Variants in CD6 observed in about 807,000 individuals in gnomAD.
CD6 encodes the protein CD6 molecule, also known as T-cell differentiation antigen CD6.
A neutral mutation model predicts 75.3 loss-of-function variants in CD6; 53 were observed. The ratio of observed to expected loss-of-function variants is 0.70; its 90% CI spans 0.56 to 0.88. CD6 has a LOEUF of 0.88. CD6 is among the 40% of genes least tolerant of loss of function. The probability of loss-of-function intolerance (pLI) is 0.00; values close to 1 mark genes in which losing one functional copy is unlikely to be tolerated. For synonymous variants in CD6, 359 were observed against 381.5 expected (o/e 0.94, Z 0.69); for missense variants, 770 against 897.1 (o/e 0.86, Z 1.81).
intron 1 of CD6, among the ~76,000 whole-genome samples, chr11:60,987,521 G>T (rs1857868591): frequency 6.6e-6 from 1 of 151,626 alleles, no homozygotes; most frequent in Non-Finnish European, 1.5e-5. Context: ...AATGTATGTA[G>T]TGTGTATAGG....
intron 1 of CD6, among the ~76,000 whole-genome samples, chr11:60,986,979 C>G (rs1251582702): frequency 6.6e-6 from 1 of 152,106 alleles, no homozygotes; most frequent in Non-Finnish European, 1.5e-5. Flanking sequence ...AATACAAAAA[C>G]TAGTTGGGTG....
intron 1 of CD6, among the ~76,000 whole-genome samples, chr11:60,999,018 C>T (rs1858446109): frequency 6.6e-6 from 1 of 152,026 alleles, no homozygotes; most frequent in African/African-American, 2.4e-5. Flanking sequence ...ATTAGGCGGG[C>T]ATGGTGGCAC....
At position 61,019,269 on chromosome 11, in the gene CD6, A is replaced by G. The variant is rs748940543; in HGVS notation, c.1958A>G (p.Gln653Arg). ...CTGCCCACAGGGTCCCCCAGCCCTC[A>G]GCCTGACTCCACCGACAACGATGAC... ...QFGCPGSPSP[Q>R]PDSTDNDDYD... Residue 653 changes from glutamine (Q) to arginine (R), a missense_variant, in exon 13 of 13, where the codon CAG becomes CGG. Gln to Arg is a conservative substitution (Grantham distance 43, BLOSUM62 1). Transcript: ENST00000313421. The G allele has an allele frequency of 6.2e-7, 1 of 1,611,346 alleles. No homozygotes were observed. The highest frequency in any genetic ancestry group is 8.5e-7 in the Non-Finnish European group (1 of 1,179,746).
At chr11:60,996,517 A>G (rs1858302941) in intron 1 of CD6, among the ~76,000 whole-genome samples, 1 of 152,236 alleles carries the variant, frequency 6.6e-6, no homozygotes, top group Non-Finnish European at 1.5e-5. Context: ...CTCCACTTGA[A>G]TACCTGGAGT....
chr11:60,976,121 G>A (rs1857354158), intron 1 of CD6, among the ~76,000 whole-genome samples: 1 of 152,134 alleles, frequency 6.6e-6, no homozygotes, highest in Admixed American at 6.5e-5. Flanking sequence ...CCCAGCACTG[G>A]AGTGTTGTAC....
At chr11:61,003,470 C>T (rs748375363) in intron 1 of CD6, among the ~76,000 whole-genome samples, 5 of 152,156 alleles carry the variant, frequency 3.3e-5, no homozygotes, top group Admixed American at 1.3e-4. Flanking sequence ...TGGTGGCTCA[C>T]GCCTGTAATC....
Position 61,009,720 on chromosome 11 carries a change from TG to T in CD6, c.931del (p.Ala311ArgfsTer73). The T allele has an allele frequency of 6.2e-7, 1 of 1,614,100 alleles. No individual in the cohort carries two copies. The highest frequency in any genetic ancestry group is 2.2e-5 in the East Asian group (1 of 44,878). On this transcript the variant is annotated frameshift_variant, in exon 5 of 13. Transcript: ENST00000313421. LOFTEE classifies it high-confidence loss of function. ...VLCQSLGCGT[A>X]VERPKGLPHS... Reference sequence around the variant, plus strand: ...TCTGCCAGTCCTTGGGCTGTGGAACTGCGGTTGAGAGGCCCAAGGGGCTGCC... The same window carrying T: ...TCTGCCAGTCCTTGGGCTGTGGAACTCGGTTGAGAGGCCCAAGGGGCTGCC...
At chr11:60,986,956 C>T (rs1231196453) in intron 1 of CD6, among the ~76,000 whole-genome samples, 2 of 152,084 alleles carry the variant, frequency 1.3e-5, no homozygotes, top group African/African-American at 2.4e-5. Context: ...GGTGAAACCC[C>T]GTCTCTACTA....
In CD6 at chr11:61,008,888, C is replaced by A; in HGVS notation, c.781+43C>A. 3.4e-6 allele frequency: 5 copies of A among 1,450,118 alleles called. No homozygotes were observed. In the South Asian group the frequency reaches 4.5e-5, roughly 13 times the overall value. The allele number at this position is 1,450,118 out of a possible 1,614,324, so 89.8% of individuals were successfully genotyped here. ...CTGAAGCCCGGTCACTACCAACACT[C>A]ACCATAGGCCTACTGGGCGCCAAGC... On this transcript the variant is annotated intron_variant, in intron 4 of 12. Transcript: ENST00000313421.
intron 7 of CD6, 47 bp downstream of exon 7, chr11:61,013,610 G>A: frequency 6.2e-7 from 1 of 1,600,940 alleles, no homozygotes; most frequent in Non-Finnish European, 8.5e-7. Flanking sequence ...GGGGATGTGA[G>A]CCTTGGCAGA....
At chr11:60,988,372 C>A (rs1436969734) in intron 1 of CD6, among the ~76,000 whole-genome samples, 1 of 152,190 alleles carries the variant, frequency 6.6e-6, no homozygotes, top group African/African-American at 2.4e-5. Context: ...GGCCATTGGC[C>A]GCTGTCAGCC....
At chr11:61,001,464 G>C (rs547558782) in intron 1 of CD6, among the ~76,000 whole-genome samples, 5 of 152,086 alleles carry the variant, frequency 3.3e-5, no homozygotes, top group African/African-American at 1.2e-4. Flanking sequence ...GCCTCCCAAA[G>C]TGCTGGGATT....
intron 9 of CD6, among the ~76,000 whole-genome samples, chr11:61,016,384 C>T (rs1859407459): frequency 6.6e-6 from 1 of 152,242 alleles, no homozygotes. Context: ...ACCAGAGCGT[C>T]CCACACCTTA....
intron 1 of CD6, among the ~76,000 whole-genome samples, chr11:60,997,533 A>G (rs1170606360): frequency 6.6e-6 from 1 of 152,042 alleles, no homozygotes; most frequent in Non-Finnish European, 1.5e-5. Context: ...ATTTCTACAC[A>G]TCAATAAAAA....
rs550056742 is a variant in CD6 at position 61,020,340 on chromosome 11, C to T, written c.*1022C>T. ...TCAGACCAGGCTTTGTTGTCCTGCTCTGAGTATCCTGAGATTAAACTGAAT... is the reference window on the plus strand; with the variant it reads ...TCAGACCAGGCTTTGTTGTCCTGCTTTGAGTATCCTGAGATTAAACTGAAT... On this transcript the variant is annotated 3_prime_UTR_variant, in exon 13 of 13. Coordinates refer to ENST00000313421, the MANE Select transcript of CD6 (RefSeq NM_006725.5). The T allele has an allele frequency of 5.0e-6, 2 of 398,968 alleles. No homozygotes were observed. Among genetic ancestry groups the T allele is most frequent in the South Asian group, 2.6e-4 (2 of 7,788 alleles). The allele number at this position is 398,968 out of a possible 1,614,324, so 24.7% of individuals were successfully genotyped here.
At chr11:61,004,307 T>C (rs946288648) in intron 1 of CD6, 4 of 151,482 alleles carry the variant, frequency 2.6e-5, no homozygotes, top group African/African-American at 7.3e-5. Flanking sequence ...TGTAGTAACA[T>C]TGAAAACTAC....
At position 61,015,788 on chromosome 11, in the gene CD6, A is replaced by C; in HGVS notation, c.1463A>C (p.His488Pro). The C allele has an allele frequency of 1.2e-6, 2 of 1,614,170 alleles. 1 individual carries two copies. Among genetic ancestry groups the C allele is most frequent in the Middle Eastern group, 3.3e-4 (2 of 6,062 alleles). Residue 488 changes from histidine (H) to proline (P), a missense_variant, in exon 9 of 13, where the codon CAC becomes CCC. His to Pro is a moderately conservative substitution (Grantham distance 77, BLOSUM62 -2). Transcript: ENST00000313421. ...TCTGGCTCGGACTCAGACTATGAGC[A>C]CTATGACTTCAGCGCCCAGCCTCCT... The part of the protein sequence containing the change: ...SDSGSDSDYE[H>P]YDFSAQPPVA...
At chr11:60,979,412 T>C (rs140976698) in intron 1 of CD6, among the ~76,000 whole-genome samples, 1 of 151,684 alleles carries the variant, frequency 6.6e-6, no homozygotes, top group Non-Finnish European at 1.5e-5. Flanking sequence ...AGAGGCACCA[T>C]GAGCCAGGGG....
In CD6 at chr11:60,990,293, C is replaced by T. The variant is rs566019841; in HGVS notation, c.50-16281C>T. On this transcript the variant is annotated intron_variant, in intron 1 of 12. Transcript: ENST00000313421. ...AGGCTGGAGTGCAGTGGTGCAATCTCGGCTCACTGCAACCTTTGCCTCCTG... is the reference window on the plus strand; with the variant it reads ...AGGCTGGAGTGCAGTGGTGCAATCTTGGCTCACTGCAACCTTTGCCTCCTG... Among the ~76,000 whole-genome samples the T allele has an allele frequency of 5.3e-5, 8 of 152,244 alleles. No homozygotes were observed. The East Asian group carries it at 9.6e-4, about 18-fold the overall frequency.
Sources: gnomAD v4.1 joint callset for allele counts (sites outside exome capture counted in the v4.1 genomes callset) on GRCh38, gnomAD v4.1.1 for gene constraint, MANE v1.5 for transcripts, NCBI Gene and HGNC (gene_info 2026-07-23, HGNC 2026-07-21) for gene names.